Variants in PRKX observed in about 807,000 individuals in gnomAD.
PRKX encodes the protein cAMP-dependent protein kinase catalytic subunit PRKX.
A neutral mutation model predicts 22.0 loss-of-function variants in PRKX; 12 were observed. The observed-to-expected ratio is 0.54, with a 90% CI of 0.35 to 0.88. The LOEUF (loss-of-function observed/expected upper bound fraction) is 0.88, where lower values mean the gene tolerates loss of function less well. PRKX is among the 40% of genes least tolerant of loss of function. The pLI is 0.01. For missense variants in PRKX, 217 were observed against 308.0 expected (o/e 0.70, Z 2.21); for synonymous variants, 134 against 137.7 (o/e 0.97, Z 0.19).
intron 4 of PRKX, among the ~76,000 whole-genome samples, chrX:3,631,321 T>G (rs889956762): frequency 1.7e-4 from 19 of 112,316 alleles, no homozygotes; most frequent in Admixed American, 1.2e-3. Context: ...TGGAACAGGG[T>G]AGGCCCAAAT....
intron 2 of PRKX, chrX:3,670,089 C>T (rs1186423211): frequency 1.6e-5 from 2 of 123,970 alleles, no homozygotes; most frequent in Non-Finnish European, 3.7e-5. Context: ...GAGGCACCTC[C>T]GCTGAAAGTC....
rs1202889088 is a variant in PRKX at position 3,708,769 on chromosome X, C to T, written c.166+4319G>A. 3.7e-5 allele frequency among the ~76,000 whole-genome samples: 4 copies of T among 108,062 alleles called. No homozygotes were observed. In the East Asian group the frequency reaches 1.2e-3, roughly 32 times the overall value. 93.8% of individuals were successfully genotyped at this position (108,062 alleles called of 115,157 possible). On this transcript the variant is annotated intron_variant, in intron 1 of 8. Coordinates refer to ENST00000262848, the MANE Select transcript of PRKX (RefSeq NM_005044.5). ...ATCCCAGCTCCTCGGGAGGCTGAGG[C>T]AGGAGAATCGCTTGAACCCGGGAAG...
intron 2 of PRKX, among the ~76,000 whole-genome samples, chrX:3,661,915 T>C (rs1927603471): frequency 8.9e-6 from 1 of 112,074 alleles, no homozygotes; most frequent in Non-Finnish European, 1.9e-5. Flanking sequence ...ACAATGGATA[T>C]GAGAAGTATG....
intron 1 of PRKX, among the ~76,000 whole-genome samples, chrX:3,684,108 G>A (rs928493251): frequency 1.4e-4 from 15 of 110,599 alleles, no homozygotes; most frequent in Admixed American, 4.8e-4. Context: ...AAAATTAGCC[G>A]GGTGGTAGTG....
At chrX:3,638,946 G>A (rs1353010121) in intron 4 of PRKX, among the ~76,000 whole-genome samples, 1 of 102,463 alleles carries the variant, frequency 9.8e-6, no homozygotes, top group Non-Finnish European at 2.0e-5. Flanking sequence ...ATAACAGGTA[G>A]GTAGGCAGAT....
At chrX:3,688,736 G>A (rs1928234675) in intron 1 of PRKX, among the ~76,000 whole-genome samples, 1 of 109,826 alleles carries the variant, frequency 9.1e-6, no homozygotes, top group Non-Finnish European at 1.9e-5. Flanking sequence ...GGGTGTGGTG[G>A]TATGCTCCAG....
Position 3,615,870 on chromosome X carries a change from T to C in PRKX, c.896A>G (p.His299Arg), listed in dbSNP as rs1186955500. The C allele has an allele frequency of 9.1e-6, 11 of 1,206,847 alleles. No homozygotes were observed. The Admixed American group carries it at 1.8e-4, about 19-fold the overall frequency. ...GTCCACGGAGCGGAACCACCGATGA[T>C]GCTTCACATCATTCGCCCCGTTCTT... ...NMKNGANDVK[H>R]HRWFRSVDWE... Residue 299 changes from histidine (H) to arginine (R), a missense_variant, in exon 7 of 9, where the codon CAT becomes CGT. Transcript: ENST00000262848.
At chrX:3,708,862 A>C (rs1204064419) in intron 1 of PRKX, among the ~76,000 whole-genome samples, 1 of 109,274 alleles carries the variant, frequency 9.2e-6, no homozygotes, top group Non-Finnish European at 1.9e-5. Flanking sequence ...AAAAAAAAAA[A>C]AAGTGTCGAG....
intron 7 of PRKX, among the ~76,000 whole-genome samples, chrX:3,615,109 C>G (rs1236209611): frequency 4.8e-5 from 5 of 105,002 alleles, no homozygotes; most frequent in Non-Finnish European, 7.8e-5. Context: ...ACCTCCGCCT[C>G]CTGGTATCAA....
At chrX:3,710,675 G>C (rs768535776) in intron 1 of PRKX, among the ~76,000 whole-genome samples, 2 of 112,164 alleles carry the variant, frequency 1.8e-5, no homozygotes, top group Non-Finnish European at 3.8e-5. Context: ...CGCCCAGCCT[G>C]TGATTGGCTT....
chrX:3,656,433 T>C (rs1198763014), intron 2 of PRKX, among the ~76,000 whole-genome samples: 1 of 111,846 alleles, frequency 8.9e-6, no homozygotes, highest in Non-Finnish European at 1.9e-5. Context: ...TGTTAGGATA[T>C]GGGTATAGAC....
intron 8 of PRKX, among the ~76,000 whole-genome samples, chrX:3,609,374 T>G (rs1273273345): frequency 8.9e-6 from 1 of 111,846 alleles, no homozygotes; most frequent in Non-Finnish European, 1.9e-5. Context: ...TTTGCCAGGC[T>G]GGTCTCGAAC....
At chrX:3,619,847 C>T (rs1402437716) in intron 6 of PRKX, among the ~76,000 whole-genome samples, 3 of 111,382 alleles carry the variant, frequency 2.7e-5, no homozygotes, top group African/African-American at 9.8e-5. Flanking sequence ...GCCTCACACC[C>T]CGGTGTACTG....
At chrX:3,703,442 T>C (rs6641611) in intron 1 of PRKX, among the ~76,000 whole-genome samples, 8,189 of 110,933 alleles carry the variant, frequency 0.074, 511 homozygotes, top group East Asian at 0.23. Flanking sequence ...CCCACACTGA[T>C]AACCTCTGTG....
chrX:3,640,725 G>A (rs753045354), intron 4 of PRKX, among the ~76,000 whole-genome samples: 2 of 111,480 alleles, frequency 1.8e-5, no homozygotes, highest in Non-Finnish European at 3.8e-5. Flanking sequence ...CTCCCAGACG[G>A]TTAAGGCATT....
chrX:3,648,781 T>C (rs760497116), intron 3 of PRKX, among the ~76,000 whole-genome samples: 208 of 109,730 alleles, frequency 1.9e-3, no homozygotes, highest in African/African-American at 6.5e-3. Flanking sequence ...ACAGAGGAAC[T>C]AGGAAAGAGC....
chrX:3,690,899 G>A (rs1417144074), intron 1 of PRKX, among the ~76,000 whole-genome samples: 1 of 112,338 alleles, frequency 8.9e-6, no homozygotes, highest in Non-Finnish European at 1.9e-5. Flanking sequence ...AATAACATTT[G>A]AGTGCAACTC....
At chrX:3,610,736 A>C (rs1399737909) in intron 8 of PRKX, among the ~76,000 whole-genome samples, 2 of 110,912 alleles carry the variant, frequency 1.8e-5, no homozygotes, top group African/African-American at 6.6e-5. Flanking sequence ...TCTTTAAGTA[A>C]ATTTTACAAT....
At chrX:3,618,816 G>T (rs1356994222) in intron 6 of PRKX, among the ~76,000 whole-genome samples, 1 of 110,970 alleles carries the variant, frequency 9.0e-6, no homozygotes, top group Non-Finnish European at 1.9e-5. Flanking sequence ...GCAGATTCTA[G>T]ATATGGGTCG....
Sources: gnomAD v4.1 joint callset for allele counts (sites outside exome capture counted in the v4.1 genomes callset) on GRCh38, gnomAD v4.1.1 for gene constraint, MANE v1.5 for transcripts, NCBI Gene and HGNC (gene_info 2026-07-23, HGNC 2026-07-21) for gene names.